CNTNAP2: variants seen among roughly 807,000 people sequenced by gnomAD.
CNTNAP2 encodes contactin associated protein 2, also known as contactin-associated protein-like 2.
CNTNAP2 carries 98 observed loss-of-function variants against 155.2 expected under a neutral mutation model. That is an observed-to-expected ratio of 0.63 (90% CI 0.54 to 0.75). The LOEUF (loss-of-function observed/expected upper bound fraction) is 0.75, where lower values mean the gene tolerates loss of function less well. CNTNAP2 is among the 30% of genes least tolerant of loss of function. CNTNAP2 has a pLI of 0.00. For missense variants in CNTNAP2, 1,727 were observed against 1,688.1 expected (o/e 1.02, Z -0.40); for synonymous variants, 651 against 631.2 (o/e 1.03, Z -0.47).
At chr7:147,539,941 A>G (rs1799610485) in intron 11 of CNTNAP2, among the ~76,000 whole-genome samples, 1 of 152,210 alleles carries the variant, frequency 6.6e-6, no homozygotes, top group Non-Finnish European at 1.5e-5. Context: ...CCAGGCTCAT[A>G]CCAGCCAAAG....
intron 1 of CNTNAP2, among the ~76,000 whole-genome samples, chr7:146,167,369 G>A (rs1356132095): frequency 6.6e-6 from 1 of 152,210 alleles, no homozygotes; most frequent in Non-Finnish European, 1.5e-5. Flanking sequence ...AAGACTTTCA[G>A]ATGGCCACAA....
intron 10 of CNTNAP2, among the ~76,000 whole-genome samples, chr7:147,410,273 C>A (rs886436512): frequency 1.3e-5 from 2 of 152,162 alleles, no homozygotes; most frequent in Non-Finnish European, 2.9e-5. Flanking sequence ...TTATCCTTAG[C>A]AAACTAACAC....
chr7:146,932,175 G>T (rs560124753), intron 3 of CNTNAP2, among the ~76,000 whole-genome samples: 39 of 152,278 alleles, frequency 2.6e-4, no homozygotes, highest in African/African-American at 8.9e-4. Flanking sequence ...GAACACTGAT[G>T]CAAAAATCCT....
chr7:146,751,108 C>A (rs1801895502), intron 1 of CNTNAP2, among the ~76,000 whole-genome samples: 1 of 151,972 alleles, frequency 6.6e-6, no homozygotes, highest in African/African-American at 2.4e-5. Context: ...CTCAAAGAGT[C>A]TTAATAGCAT....
At chr7:146,688,725 G>T (rs979561451) in intron 1 of CNTNAP2, among the ~76,000 whole-genome samples, 1 of 152,104 alleles carries the variant, frequency 6.6e-6, no homozygotes, top group East Asian at 1.9e-4. Flanking sequence ...TGCAGGTCAC[G>T]GGATATGATG....
intron 4 of CNTNAP2, among the ~76,000 whole-genome samples, chr7:147,064,200 G>A (rs746066504): frequency 6.8e-6 from 1 of 147,602 alleles, no homozygotes; most frequent in African/African-American, 2.6e-5. Context: ...TTTTAATTTT[G>A]GAGAGTTCCT....
intron 1 of CNTNAP2, among the ~76,000 whole-genome samples, chr7:146,423,655 C>G (rs916996311): frequency 6.6e-6 from 1 of 152,210 alleles, no homozygotes; most frequent in Admixed American, 6.6e-5. Flanking sequence ...TCCAAATGCT[C>G]TGCGTCATGC....
At position 147,056,338 on chromosome 7, in the gene CNTNAP2, CT is replaced by C. The variant is rs531011075; in HGVS notation, c.550+12286del. On this transcript the variant is annotated intron_variant, in intron 4 of 23. Coordinates refer to ENST00000361727, the MANE Select transcript of CNTNAP2 (RefSeq NM_014141.6). Reference sequence around the variant, plus strand: ...TATAAACTAGAAAATGGACAAGTAGCTTCCTAAACTTTGAAGTGCAAATGTT... The same window carrying C: ...TATAAACTAGAAAATGGACAAGTAGCTCCTAAACTTTGAAGTGCAAATGTT... 1.4e-3 allele frequency among the ~76,000 whole-genome samples: 212 copies of C among 152,188 alleles called. 1 individual carries two copies. The highest frequency in any genetic ancestry group is 4.7e-3 in the African/African-American group (194 of 41,510).
intron 17 of CNTNAP2, among the ~76,000 whole-genome samples, chr7:148,158,672 A>G (rs1805453202): frequency 6.6e-6 from 1 of 152,222 alleles, no homozygotes; most frequent in Non-Finnish European, 1.5e-5. Context: ...CTAAGAAACT[A>G]AAGGTTCACC....
intron 2 of CNTNAP2, among the ~76,000 whole-genome samples, chr7:146,820,104 C>T (rs983653428): frequency 6.6e-6 from 1 of 152,162 alleles, no homozygotes; most frequent in Admixed American, 6.6e-5. Flanking sequence ...GTATGTAGAG[C>T]ATCTCATGCT....
At chr7:148,355,536 C>T (rs1798499240) in intron 21 of CNTNAP2, among the ~76,000 whole-genome samples, 1 of 152,130 alleles carries the variant, frequency 6.6e-6, no homozygotes, top group South Asian at 2.1e-4. Context: ...GGGAAAGAAG[C>T]TTGTTAATCT....
intron 5 of CNTNAP2, among the ~76,000 whole-genome samples, chr7:147,119,661 A>C (rs975539235): frequency 6.6e-6 from 1 of 152,084 alleles, no homozygotes; most frequent in Non-Finnish European, 1.5e-5. Flanking sequence ...AATATGTTCT[A>C]GGAAGATAAT....
chr7:147,107,911 A>G (rs1410069224), intron 4 of CNTNAP2, among the ~76,000 whole-genome samples: 3 of 152,174 alleles, frequency 2.0e-5, no homozygotes, highest in Non-Finnish European at 4.4e-5. Flanking sequence ...TTTTGTAATT[A>G]AAGTAAAATG....
At chr7:148,047,012 T>A (rs1390012548) in intron 15 of CNTNAP2, among the ~76,000 whole-genome samples, 1 of 152,176 alleles carries the variant, frequency 6.6e-6, no homozygotes, top group Admixed American at 6.5e-5. Context: ...CTTGGTGAAT[T>A]GGGAATAGAC....
chr7:147,547,087 C>T (rs1396252765), intron 11 of CNTNAP2, among the ~76,000 whole-genome samples: 1 of 152,162 alleles, frequency 6.6e-6, no homozygotes, highest in East Asian at 1.9e-4. Flanking sequence ...CAAGAAGTGT[C>T]TGATACAGCC....
rs186552428 is a variant in CNTNAP2 at position 146,165,026 on chromosome 7, C to T, written c.97+48053C>T. Among the ~76,000 whole-genome samples, 656 of 152,236 alleles carry T rather than the reference C, an allele frequency of 4.3e-3. 1 individual carries two copies. The highest frequency in any genetic ancestry group is 5.8e-3 in the Non-Finnish European group (393 of 67,998). ...CTTTGTATATATTTCTGTGAACATT[C>T]ACAGTTTGGAATTAAAATACGGTGC... On this transcript the variant is annotated intron_variant, in intron 1 of 23. Coordinates refer to ENST00000361727, the MANE Select transcript of CNTNAP2 (RefSeq NM_014141.6).
intron 1 of CNTNAP2, among the ~76,000 whole-genome samples, chr7:146,465,644 G>A (rs1009830587): frequency 5.3e-5 from 8 of 152,156 alleles, no homozygotes; most frequent in African/African-American, 1.7e-4. Flanking sequence ...TGTTTAACCA[G>A]CTTCTGGAGA....
intron 1 of CNTNAP2, among the ~76,000 whole-genome samples, chr7:146,372,176 C>T (rs1015325205): frequency 2.6e-5 from 4 of 152,042 alleles, no homozygotes; most frequent in African/African-American, 9.7e-5. Context: ...CCATTTATAA[C>T]GCTCTCAGTA....
chr7:147,008,431 G>A (rs944219223), intron 3 of CNTNAP2, among the ~76,000 whole-genome samples: 2 of 152,004 alleles, frequency 1.3e-5, no homozygotes, highest in Admixed American at 1.3e-4. Context: ...GAACCAGTTT[G>A]CTTCAAGAAA....
Sources: gnomAD v4.1 joint callset for allele counts (sites outside exome capture counted in the v4.1 genomes callset) on GRCh38, gnomAD v4.1.1 for gene constraint, MANE v1.5 for transcripts, NCBI Gene and HGNC (gene_info 2026-07-23, HGNC 2026-07-21) for gene names.